The following ZNF385D variants were observed in gnomAD, a reference collection of about 807,000 sequenced individuals.
ZNF385D encodes zinc finger protein 385D, also known as zinc finger protein 659.
In ZNF385D, 15 loss-of-function variants were observed where a neutral mutation model predicts 35.8. The observed-to-expected ratio is 0.42, with a 90% confidence interval of 0.28 to 0.64. The LOEUF (loss-of-function observed/expected upper bound fraction) is 0.64, where lower values mean the gene tolerates loss of function less well. Among genes scored for constraint, ZNF385D ranks in the 30% least tolerant of loss-of-function variants. ZNF385D has a pLI of 0.23. For synonymous variants in ZNF385D, 212 were observed against 186.8 expected, an observed-to-expected ratio of 1.13 and a Z score of -1.10; for missense variants, 474 against 494.6, an observed-to-expected ratio of 0.96 and a Z score of 0.39.
intron 3 of ZNF385D, among the ~76,000 whole-genome samples, chr3:22,157,661 CT>C (rs1479718489): frequency 1.3e-5 from 2 of 152,066 alleles, no homozygotes; most frequent in Non-Finnish European, 2.9e-5. Context: ...TATTCTCTAA[CT>C]TTTTATACTT....
chr3:22,047,469 G>A (rs536446475), intron 3 of ZNF385D, among the ~76,000 whole-genome samples: 71 of 152,092 alleles, frequency 4.7e-4, no homozygotes, highest in African/African-American at 1.6e-3. Flanking sequence ...AATTTTTTGA[G>A]ATTCAACATG....
At chr3:22,123,241 G>A (rs1703205077) in intron 3 of ZNF385D, among the ~76,000 whole-genome samples, 1 of 152,076 alleles carries the variant, frequency 6.6e-6, no homozygotes, top group Non-Finnish European at 1.5e-5. Context: ...TTACCAAGAA[G>A]GTAGGAGGAG....
At chr3:22,015,906 GA>G in intron 3 of ZNF385D, among the ~76,000 whole-genome samples, 1 of 152,066 alleles carries the variant, frequency 6.6e-6, no homozygotes, top group East Asian at 1.9e-4. Flanking sequence ...CCACGTTCCT[GA>G]AAAAAAGACA....
chr3:22,247,297 A>G (rs934201763), intron 2 of ZNF385D, among the ~76,000 whole-genome samples: 20 of 152,098 alleles, frequency 1.3e-4, no homozygotes, highest in African/African-American at 4.8e-4. Flanking sequence ...TATTTTTCTT[A>G]AATAAAAAAA....
At chr3:21,424,407 C>T (rs891349788) in intron 6 of ZNF385D, among the ~76,000 whole-genome samples, 18 of 137,298 alleles carry the variant, frequency 1.3e-4, no homozygotes, top group East Asian at 6.5e-4. Flanking sequence ...CTCTGCCTCC[C>T]GGGTTCAAGC....
chr3:22,150,629 C>T (rs1470225105), intron 3 of ZNF385D, among the ~76,000 whole-genome samples: 1 of 151,984 alleles, frequency 6.6e-6, no homozygotes, highest in East Asian at 1.9e-4. Flanking sequence ...TCAATTAGTC[C>T]ACTAACGTTA....
intron 2 of ZNF385D, among the ~76,000 whole-genome samples, chr3:22,351,262 G>A (rs944470812): frequency 2.0e-5 from 3 of 152,030 alleles, no homozygotes; most frequent in Non-Finnish European, 4.4e-5. Context: ...GCATTCTAAT[G>A]TCACTGAGAT....
intron 3 of ZNF385D, chr3:21,979,633 G>C (rs10510522): frequency 0.23 from 34,881 of 152,060 alleles, 4,669 homozygotes; most frequent in African/African-American, 0.37. Context: ...TCTCATAGGT[G>C]CTTGAAACGG....
rs148815826 is a variant in ZNF385D at position 21,750,113 on chromosome 3, T to A, written c.22+782A>T. Among the ~76,000 whole-genome samples, 419 of 152,332 alleles carry A rather than the reference T, an allele frequency of 2.8e-3. 1 individual carries two copies. The highest frequency in any genetic ancestry group is 4.8e-3 in the Non-Finnish European group (326 of 68,026). ...AGTCCTTATCTTTGACTTCTTCTTATTTAGTGAAGGGGCTTGCCTCCTGTA... is the reference window on the plus strand; with the variant it reads ...AGTCCTTATCTTTGACTTCTTCTTAATTAGTGAAGGGGCTTGCCTCCTGTA... On this transcript the variant is annotated intron_variant, in intron 1 of 7. Coordinates refer to ENST00000281523, the MANE Select transcript of ZNF385D (RefSeq NM_024697.3).
intron 4 of ZNF385D, among the ~76,000 whole-genome samples, chr3:21,466,982 G>C (rs1276170931): frequency 6.6e-6 from 1 of 152,148 alleles, no homozygotes; most frequent in Non-Finnish European, 1.5e-5. Flanking sequence ...TAAATCCTTA[G>C]TCTATGCTCC....
intron 3 of ZNF385D, among the ~76,000 whole-genome samples, chr3:22,050,215 A>C (rs898029447): frequency 2.0e-5 from 3 of 150,538 alleles, no homozygotes; most frequent in African/African-American, 7.3e-5. Flanking sequence ...AAAAAAAAGC[A>C]GCTCTCTGTG....
chr3:22,349,348 T>TA lies in ZNF385D; in HGVS notation c.106+23101dup, dbSNP rs1456380703. Among the ~76,000 whole-genome samples the TA allele has an allele frequency of 6.6e-5, 10 of 152,326 alleles. No individual in the cohort carries two copies. The East Asian group carries it at 1.9e-3, about 29-fold the overall frequency. ...ACTGTCACAATGTGAATAGTGTTCC[T>TA]AGGGGACTTGCGTAGGAAAAATGTG... On this transcript the variant is annotated intron_variant, in intron 2 of 5. Coordinates refer to the ZNF385D transcript ENST00000494108.
intron 2 of ZNF385D, among the ~76,000 whole-genome samples, chr3:21,641,006 CCCTAAGT>C (rs1559482191): frequency 6.6e-6 from 1 of 151,994 alleles, no homozygotes; most frequent in Non-Finnish European, 1.5e-5. Flanking sequence ...AGTCTAAATG[CCCTAAGT>C]CACCAAATCA....
intron 3 of ZNF385D, among the ~76,000 whole-genome samples, chr3:22,116,744 T>A (rs1702830998): frequency 6.6e-6 from 1 of 152,042 alleles, no homozygotes; most frequent in African/African-American, 2.4e-5. Flanking sequence ...AGAGACACAT[T>A]TATTCCACAA....
intron 2 of ZNF385D, among the ~76,000 whole-genome samples, chr3:22,207,113 C>T (rs1697208218): frequency 6.6e-6 from 1 of 151,834 alleles, no homozygotes; most frequent in South Asian, 2.1e-4. Context: ...TTATCAGAGG[C>T]TACTATAAGC....
chr3:22,049,368 T>A (rs1466088129), intron 3 of ZNF385D, among the ~76,000 whole-genome samples: 2 of 151,412 alleles, frequency 1.3e-5, no homozygotes, highest in Non-Finnish European at 3.0e-5. Context: ...TTGATATTTA[T>A]CCTGCAACTT....
intron 1 of ZNF385D, among the ~76,000 whole-genome samples, chr3:21,680,681 T>C (rs1254984955): frequency 2.0e-5 from 3 of 152,206 alleles, no homozygotes; most frequent in African/African-American, 7.2e-5. Context: ...TCTTGTTTAT[T>C]TGCTATGCTT....
intron 3 of ZNF385D, among the ~76,000 whole-genome samples, chr3:21,966,873 C>G (rs1029461530): frequency 6.6e-6 from 1 of 152,138 alleles, no homozygotes; most frequent in Non-Finnish European, 1.5e-5. Context: ...TATAGCGCTG[C>G]GATTATGGGC....
intron 3 of ZNF385D, among the ~76,000 whole-genome samples, chr3:22,016,935 G>C (rs1282599239): frequency 6.7e-6 from 1 of 148,766 alleles, no homozygotes; most frequent in African/African-American, 2.5e-5. Context: ...CCATCCATCG[G>C]ACACACACAC....
Sources: gnomAD v4.1 joint callset for allele counts (sites outside exome capture counted in the v4.1 genomes callset) on GRCh38, gnomAD v4.1.1 for gene constraint, MANE v1.5 for transcripts, NCBI Gene and HGNC (gene_info 2026-07-23, HGNC 2026-07-21) for gene names.